ACAD9: variants seen among roughly 807,000 people sequenced by gnomAD.
ACAD9 encodes the protein complex I assembly factor ACAD9, mitochondrial.
Under a neutral mutation model 70.2 loss-of-function variants are expected in ACAD9, and 53 were observed. The ratio of observed to expected loss-of-function variants is 0.75; its 90% CI spans 0.61 to 0.95. ACAD9 has a LOEUF of 0.95. ACAD9 is among the 40% of genes least tolerant of loss of function. The pLI is 0.00. For missense variants in ACAD9, 777 were observed against 802.8 expected, an observed-to-expected ratio of 0.97 and a Z score of 0.39; for synonymous variants, 313 against 312.1, an observed-to-expected ratio of 1.00 and a Z score of -0.03.
chr3:128,898,626 C>T (rs553245972), intron 6 of ACAD9: 13 of 295,960 alleles, frequency 4.4e-5, no homozygotes, highest in South Asian at 1.3e-4. Flanking sequence ...TCTCAAACTC[C>T]GGGGCTCAAG....
intron 6 of ACAD9, chr3:128,898,431 G>A: frequency 2.2e-6 from 1 of 452,740 alleles, no homozygotes; most frequent in Non-Finnish European, 4.4e-6. Context: ...TTTGAGACAG[G>A]GTCCCGCTCT....
intron 13 of ACAD9, chr3:128,908,514 TCA>T (rs1190208632): frequency 1.7e-6 from 1 of 595,200 alleles, no homozygotes; most frequent in Non-Finnish European, 3.0e-6. Context: ...ATCTGGTCCC[TCA>T]CACTAGAGGC....
intron 7 of ACAD9, among the ~76,000 whole-genome samples, chr3:128,900,659 G>A (rs910511146): frequency 4.6e-5 from 7 of 151,692 alleles, no homozygotes; most frequent in Non-Finnish European, 7.4e-5. Flanking sequence ...CACCATACCC[G>A]ACTGACCCTA....
At chr3:128,908,346 C>A in intron 13 of ACAD9, 82 bp downstream of exon 13, 1 of 1,509,190 alleles carries the variant, frequency 6.6e-7, no homozygotes, top group Non-Finnish European at 9.2e-7. Context: ...GAGGAAAGAG[C>A]TGCCTTGACC....
rs1469356685 is a variant in ACAD9, at chr3:128,902,459, G to A, written c.883-94G>A. 1 of 1,261,940 alleles carries A rather than the reference G, an allele frequency of 7.9e-7. No homozygotes were observed. The highest frequency in any genetic ancestry group is 1.2e-6 in the Non-Finnish European group (1 of 860,542). 78.2% of individuals were successfully genotyped at this position (1,261,940 alleles called of 1,614,324 possible). The stretch of plus-strand genomic sequence containing the variant: ...AGGATGGTGCTTTCTCCCAGCTTGA[G>A]GGAAGGCAAGCTGATCCACCTGGCC... On this transcript the variant is annotated intron_variant, in intron 8 of 17. Transcript: ENST00000308982. The surrounding 1 kb of genome is among the most constrained non-coding windows in gnomAD (Gnocchi z 4.0).
At chr3:128,909,926 G>A (rs955655282) in intron 15 of ACAD9, 95 bp from the exon 16 acceptor site, 2 of 1,548,304 alleles carry the variant, frequency 1.3e-6, no homozygotes, top group Non-Finnish European at 8.8e-7. Context: ...AAGGAACACA[G>A]GAGACTAAGA....
intron 2 of ACAD9, among the ~76,000 whole-genome samples, chr3:128,887,644 A>AATATATAT (rs71153150): frequency 0.045 from 5,992 of 132,658 alleles, 184 homozygotes; most frequent in Non-Finnish European, 0.064. Context: ...AAAATAAATA[A>AATATATAT]ATATATATAT....
intron 17 of ACAD9, 42 bp from the exon 18 acceptor site, chr3:128,912,465 G>T (rs184945177): frequency 1.3e-6 from 2 of 1,562,790 alleles, no homozygotes; most frequent in South Asian, 2.2e-5. Flanking sequence ...GTCTTATCAC[G>T]GTGCAGAAAG....
chr3:128,898,670 G>A (rs1016082512), intron 6 of ACAD9, among the ~76,000 whole-genome samples: 5 of 152,078 alleles, frequency 3.3e-5, no homozygotes, highest in African/African-American at 1.2e-4. Context: ...AAAGTGCTGG[G>A]ATTACAGGCG....
At chr3:128,890,753 G>A (rs1004725071) in intron 2 of ACAD9, among the ~76,000 whole-genome samples, 1 of 151,964 alleles carries the variant, frequency 6.6e-6, no homozygotes, top group Admixed American at 6.6e-5. Flanking sequence ...TTCATTACAA[G>A]TTAATTTGCA....
At chr3:128,887,630 TA>T (rs1363625227) in intron 2 of ACAD9, among the ~76,000 whole-genome samples, 1 of 89,206 alleles carries the variant, frequency 1.1e-5, no homozygotes. Context: ...AAAATAAAAA[TA>T]AAAAAATAAA....
At position 128,887,877 on chromosome 3, in the gene ACAD9, T is replaced by G. The variant is rs191812899; in HGVS notation, c.244+3131T>G. 2.9e-3 allele frequency among the ~76,000 whole-genome samples: 445 copies of G among 152,172 alleles called. 1 individual carries two copies. Among genetic ancestry groups the G allele is most frequent in the Admixed American group, 5.1e-3 (78 of 15,272 alleles). ...CATTCAAAGAGGAGGCTAATCACTG[T>G]GGACAAAGGGCCCTCTGGAATGACA... On this transcript the variant is annotated intron_variant, in intron 2 of 17. Coordinates refer to ENST00000308982, the MANE Select transcript of ACAD9 (RefSeq NM_014049.5).
chr3:128,888,006 C>T (rs889187484), intron 2 of ACAD9, among the ~76,000 whole-genome samples: 3 of 152,150 alleles, frequency 2.0e-5, no homozygotes, highest in Admixed American at 6.5e-5. Context: ...CCAACCAGGA[C>T]AGACAACCCT....
intron 17 of ACAD9, among the ~76,000 whole-genome samples, chr3:128,912,029 G>A (rs1936380612): frequency 6.6e-6 from 1 of 152,240 alleles, no homozygotes; most frequent in African/African-American, 2.4e-5. Flanking sequence ...TTGACCTGAG[G>A]TTCTGGATCA....
chr3:128,896,309 G>C, intron 4 of ACAD9, 127 bp from the exon 5 acceptor site: 1 of 1,044,882 alleles, frequency 9.6e-7, no homozygotes, highest in Non-Finnish European at 1.5e-6. Context: ...GTGGCCGCTT[G>C]CTCTGAGTTC....
At chr3:128,897,439 C>T (rs1338433929) in intron 5 of ACAD9, among the ~76,000 whole-genome samples, 193 bp from the exon 6 acceptor site, 1 of 152,048 alleles carries the variant, frequency 6.6e-6, no homozygotes, top group East Asian at 1.9e-4. Flanking sequence ...GCCTCATGTT[C>T]TATTAATAGC....
chr3:128,906,653 G>T (rs780639094), intron 12 of ACAD9, among the ~76,000 whole-genome samples: 1 of 152,230 alleles, frequency 6.6e-6, no homozygotes, highest in Non-Finnish European at 1.5e-5. Context: ...CCAGGGCCGG[G>T]TGGAGGGCAG....
chr3:128,908,105 C>T (rs560631378), intron 12 of ACAD9, 80 bp from the exon 13 acceptor site: 57 of 1,363,696 alleles, frequency 4.2e-5, no homozygotes, highest in African/African-American at 5.8e-5. Context: ...AGGCAGTGGC[C>T]GGCTCTACCC....
chr3:128,898,523 A>T (rs1017741113), intron 6 of ACAD9: 5 of 386,542 alleles, frequency 1.3e-5, no homozygotes, highest in African/African-American at 1.3e-4. Context: ...CTCCTACCTC[A>T]ACCTCCCAAG....
Sources: allele counts gnomAD v4.1 joint callset (sites outside exome capture counted in the v4.1 genomes callset), GRCh38; gene constraint gnomAD v4.1.1; non-coding constraint Gnocchi (gnomAD v3.1); transcripts MANE v1.5; gene names NCBI Gene and HGNC (gene_info 2026-07-23, HGNC 2026-07-21).